Variants in TUSC3 observed in about 807,000 individuals in gnomAD.
The protein encoded by TUSC3 is tumor suppressor candidate 3, also known as dolichyl-diphosphooligosaccharide--protein glycosyltransferase subunit TUSC3.
In TUSC3, 45 loss-of-function variants were observed where a neutral mutation model predicts 44.8. The observed-to-expected ratio is 1.00, with a 90% CI of 0.79 to 1.29. TUSC3 has a LOEUF of 1.29. Ranked by LOEUF, TUSC3 falls within the 50% of genes most tolerant of loss-of-function variation. The pLI, the probability that TUSC3 is intolerant of heterozygous loss-of-function variation, is 0.00. For missense variants in TUSC3, 519 were observed against 437.9 expected (o/e 1.19, Z -1.65); for synonymous variants, 212 against 152.9 (o/e 1.39, Z -2.85).
rs1419662759 is a variant in TUSC3 at position 15,581,475 on chromosome 8, G to A, written c.138+40907G>A. 2.7e-5 allele frequency among the ~76,000 whole-genome samples: 4 copies of A among 147,726 alleles called. No homozygotes were observed. The East Asian group carries it at 6.1e-4, about 22-fold the overall frequency. ...TATCTACTTTTGGTCTTTGATGATG[G>A]TGATGTACAGATGGGTTTTTGGTGT... On this transcript the variant is annotated intron_variant, in intron 1 of 10. Transcript: ENST00000503731.
intron 5 of TUSC3, among the ~76,000 whole-genome samples, chr8:15,667,026 T>G (rs926146256): frequency 6.6e-6 from 1 of 151,596 alleles, no homozygotes; most frequent in African/African-American, 2.4e-5. Context: ...CATTTGAATG[T>G]TCTTGGCTGA....
intron 6 of TUSC3, among the ~76,000 whole-genome samples, chr8:15,696,798 T>C (rs1469688951): frequency 6.6e-6 from 1 of 152,228 alleles, no homozygotes; most frequent in Non-Finnish European, 1.5e-5. Flanking sequence ...AGGGTGATAC[T>C]GGCTTCATGG....
upstream of TUSC3, among the ~76,000 whole-genome samples, chr8:15,537,665 G>T (rs546439294): frequency 1.3e-5 from 2 of 152,284 alleles, no homozygotes; most frequent in African/African-American, 4.8e-5. Flanking sequence ...AGCGTAACTT[G>T]GAAACTGAAT....
At chr8:15,543,541 C>G (rs1044588628) in intron 1 of TUSC3, among the ~76,000 whole-genome samples, 9 of 151,906 alleles carry the variant, frequency 5.9e-5, no homozygotes, top group Non-Finnish European at 1.2e-4. Flanking sequence ...ATACCCATAT[C>G]TCAGGTATTA....
chr8:15,644,034 ACTT>A (rs533275190), intron 2 of TUSC3, among the ~76,000 whole-genome samples: 96 of 152,336 alleles, frequency 6.3e-4, no homozygotes, highest in Non-Finnish European at 1.2e-3. Context: ...GAGAAGCTAT[ACTT>A]CTTAAAACAT....
intron 1 of TUSC3, 105 bp downstream of exon 1, chr8:15,540,673 TGGGCGATGCCGGCGCTGGGGC>T: frequency 1.4e-6 from 2 of 1,401,146 alleles, no homozygotes; most frequent in Non-Finnish European, 1.9e-6. Flanking sequence ...GTCGCCGGCG[TGGGCGATGCCGGCGCTGGGGC>T]GGGAGCCGCG....
the TUSC3 span, among the ~76,000 whole-genome samples, chr8:15,825,425 A>C: frequency 6.6e-6 from 1 of 152,114 alleles, no homozygotes; most frequent in Admixed American, 6.6e-5. Context: ...TATTTTTGTG[A>C]GACTTATTCA....
intron 1 of TUSC3, among the ~76,000 whole-genome samples, chr8:15,574,895 A>G (rs1029381106): frequency 3.9e-5 from 6 of 152,166 alleles, no homozygotes; most frequent in Non-Finnish European, 7.3e-5. Flanking sequence ...TATACTTTCA[A>G]TTATAAGGAG....
At chr8:15,452,723 C>G (rs1214297068) in intron 1 of TUSC3, among the ~76,000 whole-genome samples, 1 of 152,166 alleles carries the variant, frequency 6.6e-6, no homozygotes, top group African/African-American at 2.4e-5. Context: ...AGACCCTGGG[C>G]TGATAAATTC....
intron 2 of TUSC3, among the ~76,000 whole-genome samples, chr8:15,486,506 G>A (rs138345855): frequency 2.0e-5 from 3 of 152,166 alleles, no homozygotes; most frequent in East Asian, 1.9e-4. Flanking sequence ...GTACAGTGGT[G>A]CTGTCTCGCC....
intron 2 of TUSC3, among the ~76,000 whole-genome samples, chr8:15,637,181 G>C (rs1806118240): frequency 6.6e-6 from 1 of 152,000 alleles, no homozygotes; most frequent in African/African-American, 2.4e-5. Flanking sequence ...TTCTACTTCA[G>C]GGACTCTAAT....
upstream of TUSC3, among the ~76,000 whole-genome samples, chr8:15,538,124 A>G (rs1801550616): frequency 1.3e-5 from 2 of 152,218 alleles, no homozygotes; most frequent in Admixed American, 6.5e-5. Context: ...TTATACAACT[A>G]GGGACCTCCC....
At chr8:15,489,660 C>T (rs1301525176) in intron 2 of TUSC3, among the ~76,000 whole-genome samples, 1 of 152,180 alleles carries the variant, frequency 6.6e-6, no homozygotes, top group Non-Finnish European at 1.5e-5. Flanking sequence ...TGGTATCTCA[C>T]TGCCACAAAG....
chr8:15,850,821 C>A, the TUSC3 span, among the ~76,000 whole-genome samples: 3 of 152,250 alleles, frequency 2.0e-5, no homozygotes, highest in Non-Finnish European at 2.9e-5. Flanking sequence ...ACATAAAAGG[C>A]CACATAATCT....
At chr8:15,460,754 C>G (rs907612231) in intron 1 of TUSC3, among the ~76,000 whole-genome samples, 1 of 152,164 alleles carries the variant, frequency 6.6e-6, no homozygotes, top group African/African-American at 2.4e-5. Context: ...TGTGGTTAGA[C>G]AATTATCCCA....
At chr8:15,653,573 A>T (rs1026118182) in intron 3 of TUSC3, among the ~76,000 whole-genome samples, 1 of 152,178 alleles carries the variant, frequency 6.6e-6, no homozygotes, top group Non-Finnish European at 1.5e-5. Flanking sequence ...GTTAATTTTG[A>T]TTCAGCAGGA....
At chr8:15,589,007 C>G (rs1803711839) in intron 1 of TUSC3, among the ~76,000 whole-genome samples, 1 of 152,074 alleles carries the variant, frequency 6.6e-6, no homozygotes, top group Admixed American at 6.6e-5. Flanking sequence ...CAGCTTTGTT[C>G]TTTTTGCTTA....
At chr8:15,471,961 A>G (rs933250255) in intron 1 of TUSC3, among the ~76,000 whole-genome samples, 3 of 152,174 alleles carry the variant, frequency 2.0e-5, no homozygotes, top group Admixed American at 6.5e-5. Context: ...AACATAATTG[A>G]TGAATTTCAG....
At chr8:15,477,091 A>G (rs1193062828) in intron 1 of TUSC3, among the ~76,000 whole-genome samples, 1 of 152,180 alleles carries the variant, frequency 6.6e-6, no homozygotes, top group Non-Finnish European at 1.5e-5. Flanking sequence ...TTGCAAAGGA[A>G]GTAGTCTTCA....
Sources: allele counts gnomAD v4.1 joint callset (sites outside exome capture counted in the v4.1 genomes callset), GRCh38; gene constraint gnomAD v4.1.1; transcripts MANE v1.5; gene names NCBI Gene and HGNC (gene_info 2026-07-23, HGNC 2026-07-21).